Variants in XPNPEP1 observed in about 807,000 individuals in gnomAD.
XPNPEP1 encodes the protein xaa-Pro aminopeptidase 1.
Under a neutral mutation model 92.4 loss-of-function variants are expected in XPNPEP1, and 39 were observed. The ratio of observed to expected loss-of-function variants is 0.42; its 90% CI spans 0.33 to 0.55. XPNPEP1 has a LOEUF of 0.55. Among genes scored for constraint, XPNPEP1 ranks in the 20% least tolerant of loss-of-function variants. The pLI is 0.08. For missense variants in XPNPEP1, 654 were observed against 856.1 expected (o/e 0.76, Z 2.95); for synonymous variants, 307 against 299.4 (o/e 1.03, Z -0.26).
At chr10:109,895,563 C>G (rs1036735268) in intron 3 of XPNPEP1, among the ~76,000 whole-genome samples, 13 of 152,244 alleles carry the variant, frequency 8.5e-5, no homozygotes, top group Admixed American at 8.5e-4. Context: ...GCCACAGCCT[C>G]ACCTCCACAC....
intron 1 of XPNPEP1, among the ~76,000 whole-genome samples, chr10:109,918,800 G>A (rs1403588892): frequency 6.9e-6 from 1 of 144,174 alleles, no homozygotes; most frequent in African/African-American, 2.6e-5. Flanking sequence ...AGGAAGGAGA[G>A]GAAGGAAAGG....
chr10:109,919,542 TG>T (rs1850412326), intron 1 of XPNPEP1, among the ~76,000 whole-genome samples: 1 of 152,140 alleles, frequency 6.6e-6, no homozygotes, highest in Admixed American at 6.5e-5. Flanking sequence ...GAATGTAAAA[TG>T]GTGTAATGGC....
intron 3 of XPNPEP1, among the ~76,000 whole-genome samples, chr10:109,905,525 G>C (rs979147580): frequency 2.6e-5 from 4 of 152,188 alleles, no homozygotes; most frequent in Non-Finnish European, 5.9e-5. Context: ...ATCTTAGAGA[G>C]AGAAAGTAGA....
In XPNPEP1 at chr10:109,875,430, G is replaced by A. The variant is rs1054002868; in HGVS notation, c.1391+98C>T. 1.7e-5 allele frequency: 18 copies of A among 1,084,638 alleles called. 1 individual carries two copies. The African/African-American group carries it at 2.2e-4, about 13-fold the overall frequency. The allele number at this position is 1,084,638 out of a possible 1,614,324, so 67.2% of individuals were successfully genotyped here. ...TCCATTAGTGGCCAGCACAGAGGGCGATGACCAGCTGAGTGCTCTCAGCTG... is the reference window on the plus strand; with the variant it reads ...TCCATTAGTGGCCAGCACAGAGGGCAATGACCAGCTGAGTGCTCTCAGCTG... On this transcript the variant is annotated intron_variant, in intron 15 of 20. Coordinates refer to ENST00000502935, the MANE Select transcript of XPNPEP1 (RefSeq NM_020383.4).
At chr10:109,917,295 C>T (rs548128968) in intron 1 of XPNPEP1, among the ~76,000 whole-genome samples, 1 of 152,106 alleles carries the variant, frequency 6.6e-6, no homozygotes, top group Admixed American at 6.5e-5. Flanking sequence ...ATGCAGGATA[C>T]AAAAATCAAT....
At position 109,868,609 on chromosome 10, in the gene XPNPEP1, A is replaced by G; in HGVS notation, c.1872+5T>C. On this transcript the variant is annotated splice_donor_5th_base_variant and intron_variant, in intron 20 of 20. Transcript: ENST00000502935. ...CATGCCTGCCCACCAAGACTTCCCC[A>G]TTACCTCTTTGTCTGTAAGAGAATC... 1 of 1,612,138 alleles carries G rather than the reference A, an allele frequency of 6.2e-7. No homozygotes were observed. The highest frequency in any genetic ancestry group is 1.7e-4 in the Middle Eastern group (1 of 6,060).
intron 3 of XPNPEP1, among the ~76,000 whole-genome samples, chr10:109,907,104 A>C (rs906113110): frequency 2.6e-5 from 4 of 152,266 alleles, no homozygotes; most frequent in African/African-American, 9.6e-5. Context: ...AAAGGCTGGG[A>C]AAAACTGTAC....
chr10:109,903,998 C>T (rs1849423364), intron 3 of XPNPEP1, among the ~76,000 whole-genome samples: 1 of 151,726 alleles, frequency 6.6e-6, no homozygotes, highest in African/African-American at 2.4e-5. Context: ...CCATGAGCCA[C>T]CACGCCCAGC....
chr10:109,914,953 G>A (rs1850104658), intron 2 of XPNPEP1, 58 bp downstream of exon 2: 1 of 1,133,796 alleles, frequency 8.8e-7, no homozygotes, highest in Admixed American at 2.3e-5. Flanking sequence ...CTGGGGTTGG[G>A]GTGGAGATCT....
intron 7 of XPNPEP1, among the ~76,000 whole-genome samples, chr10:109,887,530 C>T (rs1335899421): frequency 6.6e-6 from 1 of 152,174 alleles, no homozygotes; most frequent in Non-Finnish European, 1.5e-5. Context: ...TCTCTCTCTG[C>T]CCCCTCACTG....
chr10:109,877,745 G>A, intron 14 of XPNPEP1, 45 bp downstream of exon 14: 2 of 1,611,640 alleles, frequency 1.2e-6, no homozygotes, highest in Non-Finnish European at 1.7e-6. Flanking sequence ...AGGCTCCTGT[G>A]CAGAAGCAGC....
chr10:109,915,621 C>T (rs1353631963), intron 1 of XPNPEP1, among the ~76,000 whole-genome samples: 2 of 152,014 alleles, frequency 1.3e-5, no homozygotes, highest in African/African-American at 4.8e-5. Flanking sequence ...TTATTAAGAG[C>T]TTATCTTCAA....
At chr10:109,886,114 C>G in intron 8 of XPNPEP1, 132 bp downstream of exon 8, 1 of 853,444 alleles carries the variant, frequency 1.2e-6, no homozygotes, top group Non-Finnish European at 1.9e-6. Flanking sequence ...ATCTCCTATA[C>G]CCATTTGGTG....
chr10:109,909,882 C>T (rs1849767551), intron 2 of XPNPEP1, among the ~76,000 whole-genome samples: 1 of 152,134 alleles, frequency 6.6e-6, no homozygotes, highest in Non-Finnish European at 1.5e-5. Context: ...ACACACACAG[C>T]CCCCTGCCAC....
intron 1 of XPNPEP1, among the ~76,000 whole-genome samples, chr10:109,916,966 T>A (rs576460513): frequency 6.6e-6 from 1 of 152,200 alleles, no homozygotes; most frequent in Non-Finnish European, 1.5e-5. Context: ...GAAGAAAAAT[T>A]CCTCAACCTG....
rs1847044221 is a variant in XPNPEP1, at chr10:109,864,839, C to T, written c.*345G>A. The T allele has an allele frequency of 3.2e-6, 1 of 315,552 alleles. No homozygotes were observed. The highest frequency in any genetic ancestry group is 2.1e-5 in the African/African-American group (1 of 47,000). The allele number at this position is 315,552 out of a possible 1,614,324, so 19.5% of individuals were successfully genotyped here. On this transcript the variant is annotated 3_prime_UTR_variant, in exon 21 of 21. Coordinates refer to ENST00000502935, the MANE Select transcript of XPNPEP1 (RefSeq NM_020383.4). ...CATTAAGGTGATCATGAATGATGTA[C>T]TAGCACCTGGAACATGACCATCATG...
chr10:109,882,783 A>T, intron 9 of XPNPEP1, 141 bp from the exon 10 acceptor site: 1 of 885,700 alleles, frequency 1.1e-6, no homozygotes, highest in South Asian at 1.7e-5. Flanking sequence ...CTCCTTTCCC[A>T]AATCCTGCCC....
At chr10:109,897,601 C>CT (rs1329512886) in intron 3 of XPNPEP1, among the ~76,000 whole-genome samples, 1 of 151,972 alleles carries the variant, frequency 6.6e-6, no homozygotes, top group Admixed American at 6.6e-5. Context: ...AAATAACTAA[C>CT]TTCCCCAAGG....
At chr10:109,869,138 C>A (rs1021094106) in intron 19 of XPNPEP1, among the ~76,000 whole-genome samples, 1 of 152,176 alleles carries the variant, frequency 6.6e-6, no homozygotes, top group Non-Finnish European at 1.5e-5. Flanking sequence ...GCCCATCAGG[C>A]GACAACACAT....
Sources: allele counts gnomAD v4.1 joint callset (sites outside exome capture counted in the v4.1 genomes callset), GRCh38; gene constraint gnomAD v4.1.1; transcripts MANE v1.5; gene names NCBI Gene and HGNC (gene_info 2026-07-23, HGNC 2026-07-21).